Variants in ZNF462 observed in about 807,000 individuals in gnomAD.
ZNF462 encodes the protein zinc finger protein 462.
In ZNF462, 10 loss-of-function variants were observed where a neutral mutation model predicts 201.9. The ratio of observed to expected loss-of-function variants is 0.05; its 90% confidence interval spans 0.03 to 0.08. The LOEUF (loss-of-function observed/expected upper bound fraction) is 0.08, where lower values mean the gene tolerates loss of function less well. Among genes scored for constraint, ZNF462 ranks in the 10% least tolerant of loss-of-function variants. The pLI is 1.00. For synonymous variants in ZNF462, 1,227 were observed against 1,193.3 expected, an observed-to-expected ratio of 1.03 and a Z score of -0.58; for missense variants, 2,523 against 3,168.3, an observed-to-expected ratio of 0.80 and a Z score of 4.89.
intron 7 of ZNF462, among the ~76,000 whole-genome samples, chr9:106,965,493 A>G (rs1041642754): frequency 7.2e-5 from 11 of 152,038 alleles, no homozygotes; most frequent in Non-Finnish European, 1.3e-4. Context: ...TGAGGAGGAA[A>G]ATGAATGGAG....
chr9:106,995,732 G>C (rs191240043), intron 10 of ZNF462: 1 of 152,136 alleles, frequency 6.6e-6, no homozygotes, highest in African/African-American at 2.4e-5. Flanking sequence ...GGTAAGTATT[G>C]AAACAAAATC....
intron 1 of ZNF462, among the ~76,000 whole-genome samples, chr9:106,882,247 C>T (rs1471765642): frequency 2.0e-5 from 3 of 152,204 alleles, no homozygotes; most frequent in Non-Finnish European, 4.4e-5. Context: ...CTCCCTTGCT[C>T]ACTAGTGCCT....
chr9:106,924,907 A>G lies in ZNF462; in HGVS notation c.995A>G (p.Asn332Ser), dbSNP rs748048918. 4 of 1,614,052 alleles carry G rather than the reference A, an allele frequency of 2.5e-6. No individual in the cohort carries two copies. The highest frequency in any genetic ancestry group is 2.7e-5 in the African/African-American group (2 of 74,918). Residue 332 changes from asparagine (N) to serine (S), a missense_variant, in exon 3 of 13, where the codon AAT (asparagine) becomes AGT (serine). Asn to Ser is a conservative substitution (Grantham distance 46, BLOSUM62 1). Around this residue, in one of 15 missense-constraint regions of ZNF462, gnomAD observed 480 missense variants for 544.4 expected, o/e 0.88. Coordinates refer to ENST00000277225, the MANE Select transcript of ZNF462 (RefSeq NM_021224.6). The surrounding 1 kb of genome is among the most constrained non-coding windows in gnomAD (Gnocchi z 6.2). ...ATGGGCAACTCCATCATGAGACCCA[A>G]TTCTTCAGCTTCCAAGTTTTCGCCC... ...GSMGNSIMRPNSSASKFSPMS... is the reference protein window; with the variant it reads ...GSMGNSIMRPSSSASKFSPMS...
intron 1 of ZNF462, among the ~76,000 whole-genome samples, chr9:106,892,483 A>G (rs887522355): frequency 2.0e-5 from 3 of 152,012 alleles, no homozygotes; most frequent in African/African-American, 7.3e-5. Context: ...TCCATGGCTC[A>G]TCTAAGAGTT....
At chr9:106,973,057 C>T (rs568406839) in intron 8 of ZNF462, among the ~76,000 whole-genome samples, 2 of 152,224 alleles carry the variant, frequency 1.3e-5, no homozygotes, top group African/African-American at 2.4e-5. Context: ...ATAGTACCTA[C>T]ATCATAGGGC....
intron 1 of ZNF462, among the ~76,000 whole-genome samples, chr9:106,864,103 T>TCTCTCTCCCTCTCC (rs1827210423): frequency 9.1e-6 from 1 of 109,976 alleles, no homozygotes; most frequent in Non-Finnish European, 1.9e-5. Flanking sequence ...TCTCTCTCTC[T>TCTCTCTCCCTCTCC]CTCTCTCCCT....
rs1251688390 is a variant in ZNF462, at chr9:107,010,504, T to C, written c.7314-319T>C. Among the ~76,000 whole-genome samples the C allele has an allele frequency of 1.3e-5, 2 of 152,180 alleles. No individual in the cohort carries two copies. The highest frequency in any genetic ancestry group is 1.9e-4 in the East Asian group (1 of 5,192). ...AGACAATTCTTGCTGTTACCACTTATGACCCAGTAGAGAAAGTGACATAAA... is the reference window on the plus strand; with the variant it reads ...AGACAATTCTTGCTGTTACCACTTACGACCCAGTAGAGAAAGTGACATAAA... On this transcript the variant is annotated intron_variant, in intron 12 of 12. Transcript: ENST00000277225. The surrounding 1 kb of genome is among the most constrained non-coding windows in gnomAD (Gnocchi z 4.6).
intron 1 of ZNF462, among the ~76,000 whole-genome samples, chr9:106,912,932 A>G (rs959662346): frequency 6.6e-6 from 1 of 152,238 alleles, no homozygotes. Context: ...TTTGAGCTAT[A>G]GGACAGAATT....
chr9:106,913,320 T>G lies in ZNF462; in HGVS notation c.-30-10034T>G. Among the ~76,000 whole-genome samples the G allele has an allele frequency of 6.6e-6, 1 of 152,184 alleles. No individual in the cohort carries two copies. The highest frequency in any genetic ancestry group is 1.9e-4 in the East Asian group (1 of 5,196). On this transcript the variant is annotated intron_variant, in intron 1 of 12. Coordinates refer to ENST00000277225, the MANE Select transcript of ZNF462 (RefSeq NM_021224.6). The surrounding 1 kb of genome is among the most constrained non-coding windows in gnomAD (Gnocchi z 4.1). ...GGATGCTCTCTGGAATTCCTTAGGT[T>G]CTTGAACGTTTAGTTCGATTTTGTA... is the stretch of plus-strand genomic sequence containing the variant.
chr9:106,882,393 C>G (rs917715865), intron 1 of ZNF462, among the ~76,000 whole-genome samples: 1 of 152,182 alleles, frequency 6.6e-6, no homozygotes, highest in African/African-American at 2.4e-5. Flanking sequence ...ACAGAATAGT[C>G]TCTTAGTTGC....
chr9:107,010,141 T>C lies in ZNF462; in HGVS notation c.7313+473T>C, dbSNP rs894952093. On this transcript the variant is annotated intron_variant, in intron 12 of 12. Coordinates refer to ENST00000277225, the MANE Select transcript of ZNF462 (RefSeq NM_021224.6). The surrounding 1 kb of genome is among the most constrained non-coding windows in gnomAD (Gnocchi z 4.6). The stretch of plus-strand genomic sequence containing the variant: ...TGAGAGCATACTTGTAAAATACTTA[T>C]GAGATCCCTGAACATAAAATCAGCC... 3.3e-5 allele frequency among the ~76,000 whole-genome samples: 5 copies of C among 152,062 alleles called. No homozygotes were observed. The highest frequency in any genetic ancestry group is 9.7e-5 in the African/African-American group (4 of 41,412).
At position 106,974,690 on chromosome 9, in the gene ZNF462, A is replaced by G. The variant is rs1054662416; in HGVS notation, c.6832+417A>G. 6.3e-5 allele frequency: 16 copies of G among 252,702 alleles called. No individual in the cohort carries two copies. Among genetic ancestry groups the G allele is most frequent in the African/African-American group, 2.8e-4 (13 of 45,666 alleles). 15.7% of individuals were successfully genotyped at this position (252,702 alleles called of 1,614,324 possible). A position where few individuals can be genotyped will look rare whatever the true frequency, so the allele number is the denominator to read the frequency against. On this transcript the variant is annotated intron_variant, in intron 9 of 12. Transcript: ENST00000277225. This position sits in a 1 kb window ranked among gnomAD's most constrained non-coding sequence, Gnocchi z 4.0. Reference sequence around the variant, plus strand: ...TTTCAAGAAGACCAAAATGATTTCCAAAGCAGAACATGGAACTTCCCTTGA... The same window carrying G: ...TTTCAAGAAGACCAAAATGATTTCCGAAGCAGAACATGGAACTTCCCTTGA...
chr9:106,917,847 TA>T lies in ZNF462; in HGVS notation c.-30-5506del, dbSNP rs1829836523. Among the ~76,000 whole-genome samples the T allele has an allele frequency of 1.3e-5, 2 of 148,808 alleles. No individual in the cohort carries two copies. Among genetic ancestry groups the T allele is most frequent in the African/African-American group, 5.0e-5 (2 of 40,046 alleles). ...TTATTTTGCTGGTTTATTATTTTTT[TA>T]TATTTATTTATTTATTTATTTATTT... On this transcript the variant is annotated intron_variant, in intron 1 of 12. Transcript: ENST00000277225. The surrounding 1 kb of genome is among the most constrained non-coding windows in gnomAD (Gnocchi z 4.5).
Position 106,929,141 on chromosome 9 carries a change from G to T in ZNF462, c.5229G>T (p.Val1743=), listed in dbSNP as rs963525698. 6.2e-7 allele frequency: 1 copy of T among 1,614,104 alleles called. No homozygotes were observed. The highest frequency in any genetic ancestry group is 1.1e-5 in the South Asian group (1 of 91,074). Residue 1743 remains valine, a synonymous_variant, in exon 3 of 13, where the codon GTG becomes GTT. Coordinates refer to ENST00000277225, the MANE Select transcript of ZNF462 (RefSeq NM_021224.6). The surrounding 1 kb of genome is among the most constrained non-coding windows in gnomAD (Gnocchi z 8.7). The part of the protein sequence containing the change: ...SRTISDKPNK[V]IIPSPPKDDS... The stretch of plus-strand genomic sequence containing the variant: ...CCATCAGCGACAAGCCCAACAAAGT[G>T]ATCATCCCATCCCCGCCCAAGGACG...
Position 106,941,944 on chromosome 9 carries a change from T to C in ZNF462, c.6427+2837T>C, listed in dbSNP as rs949962199. 2.0e-5 allele frequency among the ~76,000 whole-genome samples: 3 copies of C among 152,178 alleles called. No individual in the cohort carries two copies. The East Asian group carries it at 5.8e-4, about 29-fold the overall frequency. ...AGTAGCCTGTAAATTAGGCCTTGAATGGTGTTTGAAACACTCATGTGAAAT... is the reference window on the plus strand; with the variant it reads ...AGTAGCCTGTAAATTAGGCCTTGAACGGTGTTTGAAACACTCATGTGAAAT... On this transcript the variant is annotated intron_variant, in intron 7 of 12. Coordinates refer to ENST00000277225, the MANE Select transcript of ZNF462 (RefSeq NM_021224.6).
intron 7 of ZNF462, among the ~76,000 whole-genome samples, chr9:106,965,758 G>T (rs1379691347): frequency 2.0e-5 from 3 of 152,038 alleles, no homozygotes; most frequent in Non-Finnish European, 4.4e-5. Flanking sequence ...AGACTCAGAT[G>T]ATCACAAAGC....
At chr9:106,896,286 G>C (rs1346387905) in intron 1 of ZNF462, among the ~76,000 whole-genome samples, 1 of 152,148 alleles carries the variant, frequency 6.6e-6, no homozygotes, top group Admixed American at 6.5e-5. Flanking sequence ...GATGGTGCTG[G>C]CATGTGGCAG....
chr9:106,879,339 C>G (rs530884249), intron 1 of ZNF462, among the ~76,000 whole-genome samples: 3 of 108,828 alleles, frequency 2.8e-5, no homozygotes, highest in African/African-American at 1.0e-4. Flanking sequence ...TCCACCCCCC[C>G]CCCCACCCCC....
intron 8 of ZNF462, among the ~76,000 whole-genome samples, chr9:106,973,180 T>C (rs2132055569): frequency 6.6e-6 from 1 of 152,306 alleles, no homozygotes; most frequent in South Asian, 2.1e-4. Context: ...ATTATAATAA[T>C]ATGACATTAG....
Sources: gnomAD v4.1 joint callset for allele counts (sites outside exome capture counted in the v4.1 genomes callset) on GRCh38, gnomAD v4.1.1 for gene constraint, gnomAD v4.1.1 regional missense constraint, Gnocchi (gnomAD v3.1) non-coding constraint, MANE v1.5 for transcripts, NCBI Gene and HGNC (gene_info 2026-07-23, HGNC 2026-07-21) for gene names.